Variants in KIF1A observed in about 807,000 individuals in gnomAD.
KIF1A encodes kinesin-like protein KIF1A.
In KIF1A, 46 loss-of-function variants were observed where a neutral mutation model predicts 227.3. That is an observed-to-expected ratio of 0.20 (90% CI 0.16 to 0.26). KIF1A has a LOEUF of 0.26. Ranked by LOEUF, KIF1A falls within the 10% of genes least tolerant of loss-of-function variation. The probability of loss-of-function intolerance (pLI) is 1.00; values close to 1 mark genes in which losing one functional copy is unlikely to be tolerated. For synonymous variants in KIF1A, 1,022 were observed against 1,012.8 expected, an observed-to-expected ratio of 1.01 and a Z score of -0.17; for missense variants, 1,683 against 2,485.9, an observed-to-expected ratio of 0.68 and a Z score of 6.87.
intron 1 of KIF1A, among the ~76,000 whole-genome samples, chr2:240,801,979 C>G (rs1190845214): frequency 6.6e-6 from 1 of 151,986 alleles, no homozygotes; most frequent in Admixed American, 6.5e-5. Context: ...GCACATTGAT[C>G]CACAGGTTCA....
chr2:240,789,216 G>A lies in KIF1A; in HGVS notation c.183+20C>T, dbSNP rs752475137. ...ATGCACTGCTGCCCCCGCCTCCCCC[G>A]ACCCGGGGTCCCGGCTTACTGAGGT... On this transcript the variant is annotated intron_variant, in intron 3 of 48. Coordinates refer to ENST00000498729, the MANE Select transcript of KIF1A (RefSeq NM_001244008.2). The surrounding 1 kb of genome is among the most constrained non-coding windows in gnomAD (Gnocchi z 4.8). 40 of 1,608,484 alleles carry A rather than the reference G, an allele frequency of 2.5e-5. No homozygotes were observed. Among genetic ancestry groups the A allele is most frequent in the South Asian group, 1.5e-4 (14 of 90,946 alleles).
At position 240,788,016 on chromosome 2, in the gene KIF1A, G is replaced by T. The variant is rs752433662; in HGVS notation, c.363+35C>A. On this transcript the variant is annotated intron_variant, in intron 4 of 48. Coordinates refer to ENST00000498729, the MANE Select transcript of KIF1A (RefSeq NM_001244008.2). The surrounding 1 kb of genome is among the most constrained non-coding windows in gnomAD (Gnocchi z 6.6). ...AGCCTCAGCTGGTCCCGCCCCATCT[G>T]CCAGGGCTGCCCCCGCCCGCCCCCC... 5.3e-6 allele frequency: 8 copies of T among 1,520,322 alleles called. No individual in the cohort carries two copies. Among genetic ancestry groups the T allele is most frequent in the Non-Finnish European group, 7.1e-6 (8 of 1,122,818 alleles). 94.2% of individuals were successfully genotyped at this position (1,520,322 alleles called of 1,614,324 possible).
chr2:240,725,222 A>G lies in KIF1A; in HGVS notation c.4256+49T>C. ...CCAGGCAGAGCCCTGCCTGGCCCGC[A>G]CCGAGACCAGGGTGGGAGTCCATGT... On this transcript the variant is annotated intron_variant, in intron 40 of 48. Transcript: ENST00000498729. The surrounding 1 kb of genome is among the most constrained non-coding windows in gnomAD (Gnocchi z 5.8). 1 of 1,557,932 alleles carries G rather than the reference A, an allele frequency of 6.4e-7. No individual in the cohort carries two copies. Among genetic ancestry groups the G allele is most frequent in the Non-Finnish European group, 8.7e-7 (1 of 1,151,686 alleles).
chr2:240,721,618 T>C (rs981203534), intron 44 of KIF1A, among the ~76,000 whole-genome samples, 189 bp downstream of exon 44: 3 of 151,996 alleles, frequency 2.0e-5, no homozygotes, highest in Non-Finnish European at 4.4e-5. Flanking sequence ...CATCCCCACC[T>C]CCCATGGACC....
intron 1 of KIF1A, among the ~76,000 whole-genome samples, chr2:240,814,241 G>C (rs13417054): frequency 6.6e-6 from 1 of 151,842 alleles, no homozygotes; most frequent in African/African-American, 2.4e-5. Context: ...TACACCCGTC[G>C]ACATGAAGTT....
intron 27 of KIF1A, among the ~76,000 whole-genome samples, chr2:240,753,265 G>A (rs2049436899): frequency 6.6e-6 from 1 of 152,250 alleles, no homozygotes. Flanking sequence ...GTCCAAGGGG[G>A]TCTGAGGCAG....
At position 240,722,463 on chromosome 2, in the gene KIF1A, G is replaced by A; in HGVS notation, c.4658C>T (p.Ala1553Val). ...EAPNERQRELAVKCLRLLTHT... is the reference protein window; with the variant it reads ...EAPNERQRELVVKCLRLLTHT... ...CCCACCAGCTGGACCCACCTTGACG[G>A]CCAGCTCCCGCTGCCTCTCGTTGGG... Residue 1553 changes from alanine to valine, a missense_variant, in exon 43 of 49, where the codon GCC becomes GTC. Transcript: ENST00000498729. The A allele has an allele frequency of 6.5e-7, 1 of 1,546,352 alleles. No homozygotes were observed. Among genetic ancestry groups the A allele is most frequent in the South Asian group, 1.2e-5 (1 of 83,952 alleles).
At chr2:240,744,394 C>A (rs1269522256) in intron 32 of KIF1A, among the ~76,000 whole-genome samples, 1 of 152,202 alleles carries the variant, frequency 6.6e-6, no homozygotes, top group Admixed American at 6.5e-5. Context: ...TTAGGTCCTG[C>A]CCCACTCAGC....
intron 12 of KIF1A, 33 bp downstream of exon 12, chr2:240,774,149 CG>C: frequency 7.2e-7 from 1 of 1,383,472 alleles, no homozygotes; most frequent in East Asian, 2.4e-5. Flanking sequence ...GACCAGGGAG[CG>C]GGAAGCAGAG....
chr2:240,819,555 C>T (rs968406530), intron 1 of KIF1A, among the ~76,000 whole-genome samples: 2 of 151,896 alleles, frequency 1.3e-5, no homozygotes, highest in African/African-American at 2.4e-5. Context: ...AGCATCCGCC[C>T]TCCCCCACCC....
At chr2:240,797,553 G>T in intron 2 of KIF1A, 94 bp downstream of exon 2, 1 of 862,594 alleles carries the variant, frequency 1.2e-6, no homozygotes, top group South Asian at 1.5e-5. Context: ...TTGCGGCCAG[G>T]GCCAGGTTGA....
intron 2 of KIF1A, among the ~76,000 whole-genome samples, chr2:240,795,642 T>C (rs372720034): frequency 4.6e-5 from 7 of 152,302 alleles, no homozygotes; most frequent in East Asian, 3.9e-4. Flanking sequence ...CCCTCCCGTT[T>C]CTGGATCCTA....
At chr2:240,762,850 ACCTG>A in intron 22 of KIF1A, 38 bp from the exon 23 acceptor site, 1 of 1,538,360 alleles carries the variant, frequency 6.5e-7, no homozygotes. Context: ...CTACGGCCCT[ACCTG>A]CCTGGGCCTC....
intron 10 of KIF1A, among the ~76,000 whole-genome samples, chr2:240,780,687 T>C (rs1225228036): frequency 6.6e-6 from 1 of 151,622 alleles, no homozygotes; most frequent in African/African-American, 2.4e-5. Flanking sequence ...TCCTGAGGCA[T>C]TTATTCCTCT....
Position 240,782,663 on chromosome 2 carries a change from G to A in KIF1A, c.865-56C>T, listed in dbSNP as rs558750993. The A allele has an allele frequency of 2.6e-6, 4 of 1,541,720 alleles. No homozygotes were observed. In the Admixed American group the frequency reaches 5.9e-5, roughly 23 times the overall value. Reference sequence around the variant, plus strand: ...GCCCGGAGCGAAGCTGGCGCGGGCTGTGGGGGCGGAAGAGCAGGCGGCCCG... The same window carrying A: ...GCCCGGAGCGAAGCTGGCGCGGGCTATGGGGGCGGAAGAGCAGGCGGCCCG... On this transcript the variant is annotated intron_variant, in intron 9 of 48. Coordinates refer to ENST00000498729, the MANE Select transcript of KIF1A (RefSeq NM_001244008.2).
rs755084115 is a variant in KIF1A, at chr2:240,719,079, G to T, written c.5141C>A (p.Thr1714Asn). ...CAGGTTGAGCACGAACCGCTCCACG[G>T]TGTCCTTGTCGCTGTTGTACATGTA... is the stretch of plus-strand genomic sequence containing the variant. ...YAYMYNSDKD[T>N]VERFVLNLAT... Residue 1714 changes from threonine to asparagine, a missense_variant, in exon 47 of 49, where the codon ACC becomes AAC. Physicochemically the swap from Thr to Asn is moderately conservative, Grantham distance 65. Transcript: ENST00000498729. 2.7e-5 allele frequency: 44 copies of T among 1,612,344 alleles called. No homozygotes were observed. Among genetic ancestry groups the T allele is most frequent in the Non-Finnish European group, 2.3e-5 (27 of 1,179,700 alleles).
intron 20 of KIF1A, among the ~76,000 whole-genome samples, chr2:240,764,189 C>T (rs572671817): frequency 1.1e-4 from 17 of 152,326 alleles, no homozygotes; most frequent in African/African-American, 4.1e-4. Context: ...CCCCCCTCAG[C>T]ACCTCCTTGC....
chr2:240,797,547 G>T, intron 2 of KIF1A, 100 bp downstream of exon 2: 1 of 803,496 alleles, frequency 1.2e-6, no homozygotes, highest in Non-Finnish European at 2.1e-6. Context: ...GTGCTCTTGC[G>T]GCCAGGGCCA....
intron 2 of KIF1A, among the ~76,000 whole-genome samples, chr2:240,796,200 T>C (rs2056376032): frequency 6.6e-6 from 1 of 152,268 alleles, no homozygotes; most frequent in Admixed American, 6.5e-5. Context: ...TGAGGTCACA[T>C]TTCCCACCTG....
Sources: gnomAD v4.1 joint callset for allele counts (sites outside exome capture counted in the v4.1 genomes callset) on GRCh38, gnomAD v4.1.1 for gene constraint, Gnocchi (gnomAD v3.1) non-coding constraint, MANE v1.5 for transcripts, NCBI Gene and HGNC (gene_info 2026-07-23, HGNC 2026-07-21) for gene names.